Variants in SLC22A4 observed in about 807,000 individuals in gnomAD.
The protein encoded by SLC22A4 is solute carrier family 22 member 4, also known as ET transporter.
In SLC22A4, 39 loss-of-function variants were observed where a neutral mutation model predicts 56.6. The observed-to-expected ratio is 0.69, with a 90% CI of 0.53 to 0.90. The LOEUF is 0.90. Among genes scored for constraint, SLC22A4 ranks in the 40% least tolerant of loss-of-function variants. The pLI, the probability that SLC22A4 is intolerant of heterozygous loss-of-function variation, is 0.00. For missense variants in SLC22A4, 594 were observed against 696.5 expected (o/e 0.85, Z 1.66); for synonymous variants, 241 against 281.4 (o/e 0.86, Z 1.44).
chr5:132,294,516 G>T lies in SLC22A4; in HGVS notation c.-101G>T. On this transcript the variant is annotated 5_prime_UTR_variant, in exon 1 of 10. Transcript: ENST00000200652. The surrounding 1 kb of genome is among the most constrained non-coding windows in gnomAD (Gnocchi z 5.6). ...TTCTAACAGCCTGCCTGTCCCCCGG[G>T]AACGTTCTAACATCCTTGGGGAGCG... The T allele has an allele frequency of 1.3e-6, 2 of 1,538,606 alleles. No homozygotes were observed. The highest frequency in any genetic ancestry group is 1.1e-5 in the South Asian group (1 of 88,766).
intron 8 of SLC22A4, among the ~76,000 whole-genome samples, chr5:132,338,701 A>G (rs556471987): frequency 1.3e-5 from 2 of 152,380 alleles, no homozygotes; most frequent in East Asian, 3.8e-4. Flanking sequence ...TTTTGAAAGA[A>G]GAGAAATATG....
chr5:132,327,129 T>C, intron 4 of SLC22A4, 148 bp from the exon 5 acceptor site: 1 of 619,460 alleles, frequency 1.6e-6, no homozygotes, highest in East Asian at 2.9e-5. Context: ...TATTTATTCC[T>C]ATGCTCCAAT....
chr5:132,325,833 C>G (rs273911), intron 4 of SLC22A4, among the ~76,000 whole-genome samples: 109,098 of 152,042 alleles, frequency 0.72, 39,927 homozygotes, highest in African/African-American at 0.85. Context: ...AGCTAAAACA[C>G]AGCCAGGGCA....
chr5:132,319,414 T>A (rs1424223561), intron 3 of SLC22A4, among the ~76,000 whole-genome samples: 1 of 152,150 alleles, frequency 6.6e-6, no homozygotes, highest in African/African-American at 2.4e-5. Context: ...AACTGCTTTA[T>A]AAGGCCAAGT....
At chr5:132,311,938 G>C in intron 1 of SLC22A4, 1 of 606,210 alleles carries the variant, frequency 1.6e-6, no homozygotes, top group Middle Eastern at 4.4e-4. Context: ...AGGATCCTGA[G>C]TTTCAGGGAG....
chr5:132,295,493 G>A lies in SLC22A4; in HGVS notation c.393+484G>A. 2.6e-5 allele frequency: 9 copies of A among 352,306 alleles called. 2 individuals carry two copies. Among genetic ancestry groups the A allele is most frequent in the South Asian group, 2.0e-4 (9 of 45,950 alleles). 21.8% of individuals were successfully genotyped at this position (352,306 alleles called of 1,614,324 possible). A position where few individuals can be genotyped will look rare whatever the true frequency, so the allele number is the denominator to read the frequency against. ...GTACCATATACTTGTGAGGTTTGGG[G>A]TCCTTTCCTGAGGCCCCAGTTTCTC... On this transcript the variant is annotated intron_variant, in intron 1 of 9. Coordinates refer to ENST00000200652, the MANE Select transcript of SLC22A4 (RefSeq NM_003059.3).
chr5:132,309,691 T>G (rs1380952579), intron 1 of SLC22A4, among the ~76,000 whole-genome samples: 1 of 152,274 alleles, frequency 6.6e-6, no homozygotes, highest in African/African-American at 2.4e-5. Context: ...GTTTCAATGC[T>G]TTGCCATTGC....
At chr5:132,322,838 CTTTTT>C (rs1474077452) in intron 4 of SLC22A4, among the ~76,000 whole-genome samples, 1 of 152,196 alleles carries the variant, frequency 6.6e-6, no homozygotes, top group Non-Finnish European at 1.5e-5. Context: ...GAGAAAATTA[CTTTTT>C]ATTTAATAAA....
chr5:132,322,893 C>A (rs771409949), intron 4 of SLC22A4, among the ~76,000 whole-genome samples: 29 of 152,196 alleles, frequency 1.9e-4, no homozygotes, highest in Non-Finnish European at 3.1e-4. Flanking sequence ...CCACAACCTC[C>A]CAACTCAGTT....
rs1749726327 is a variant in SLC22A4, at chr5:132,294,479, T to G, written c.-138T>G. On this transcript the variant is annotated 5_prime_UTR_variant, in exon 1 of 10. Coordinates refer to ENST00000200652, the MANE Select transcript of SLC22A4 (RefSeq NM_003059.3). The surrounding 1 kb of genome is among the most constrained non-coding windows in gnomAD (Gnocchi z 5.6). ...TGTTTCCCAGGAACGGTCCCCGGCTTCGCGCCCCAATTTCTAACAGCCTGC... is the reference window on the plus strand; with the variant it reads ...TGTTTCCCAGGAACGGTCCCCGGCTGCGCGCCCCAATTTCTAACAGCCTGC... 8.0e-7 allele frequency: 1 copy of G among 1,247,016 alleles called. No homozygotes were observed. The allele number at this position is 1,247,016 out of a possible 1,614,324, so 77.2% of individuals were successfully genotyped here.
intron 6 of SLC22A4, among the ~76,000 whole-genome samples, chr5:132,333,294 G>C (rs1236075578): frequency 6.6e-6 from 1 of 152,224 alleles, no homozygotes; most frequent in Non-Finnish European, 1.5e-5. Flanking sequence ...TGTAAGGAAA[G>C]TGACTTTTTA....
intron 8 of SLC22A4, among the ~76,000 whole-genome samples, chr5:132,338,253 T>C (rs1389688494): frequency 6.6e-6 from 1 of 152,070 alleles, no homozygotes; most frequent in Non-Finnish European, 1.5e-5. Flanking sequence ...AACCAGCAAG[T>C]TTTTATTAGT....
At chr5:132,304,660 AT>A (rs1749983809) in intron 1 of SLC22A4, among the ~76,000 whole-genome samples, 1 of 152,156 alleles carries the variant, frequency 6.6e-6, no homozygotes, top group Non-Finnish European at 1.5e-5. Flanking sequence ...GGGTGGAAGA[AT>A]GTGACAGTAC....
intron 1 of SLC22A4, among the ~76,000 whole-genome samples, chr5:132,307,195 T>C (rs936326070): frequency 2.0e-5 from 3 of 152,230 alleles, no homozygotes; most frequent in Non-Finnish European, 2.9e-5. Flanking sequence ...TTTCATATTG[T>C]CAAGGAATTC....
chr5:132,337,519 C>T (rs71583476), intron 8 of SLC22A4, among the ~76,000 whole-genome samples: 10,992 of 151,684 alleles, frequency 0.072, 531 homozygotes, highest in East Asian at 0.27. Flanking sequence ...TCAAGTGATC[C>T]ACCCGCCTCA....
chr5:132,295,167 A>C (rs933495826), intron 1 of SLC22A4, 158 bp downstream of exon 1: 2 of 866,424 alleles, frequency 2.3e-6, no homozygotes, highest in Non-Finnish European at 3.8e-6. Context: ...CCAAGAAAGA[A>C]TAGGACTCAC....
At chr5:132,316,480 G>A (rs1750360665) in intron 3 of SLC22A4, among the ~76,000 whole-genome samples, 1 of 152,108 alleles carries the variant, frequency 6.6e-6, no homozygotes, top group Non-Finnish European at 1.5e-5. Context: ...TAGCCTTCTG[G>A]GTAGAATGCC....
At chr5:132,304,336 G>T (rs946594323) in intron 1 of SLC22A4, among the ~76,000 whole-genome samples, 4 of 152,234 alleles carry the variant, frequency 2.6e-5, no homozygotes, top group African/African-American at 9.6e-5. Flanking sequence ...AGAAAGATCA[G>T]ACTGGCGTGG....
chr5:132,305,088 C>T (rs1185552583), intron 1 of SLC22A4, among the ~76,000 whole-genome samples: 1 of 152,098 alleles, frequency 6.6e-6, no homozygotes, highest in Admixed American at 6.5e-5. Context: ...CTTAAACAAA[C>T]AAAACAACTG....
Sources: gnomAD v4.1 joint callset for allele counts (sites outside exome capture counted in the v4.1 genomes callset) on GRCh38, gnomAD v4.1.1 for gene constraint, Gnocchi (gnomAD v3.1) non-coding constraint, MANE v1.5 for transcripts, NCBI Gene and HGNC (gene_info 2026-07-23, HGNC 2026-07-21) for gene names.